Variants in FAAH2 observed in about 807,000 individuals in gnomAD.
The protein encoded by FAAH2 is fatty acid amide hydrolase 2.
In FAAH2, 60 loss-of-function variants were observed where a neutral mutation model predicts 36.9. The ratio of observed to expected loss-of-function variants is 1.63; its 90% CI spans 1.32 to 2.02. The LOEUF (loss-of-function observed/expected upper bound fraction) is 2.02. Among genes scored for constraint, FAAH2 ranks in the 30% most tolerant of loss-of-function variants. The pLI is 0.00. For missense variants in FAAH2, 689 were observed against 397.5 expected, an observed-to-expected ratio of 1.73 and a Z score of -6.23; for synonymous variants, 214 against 143.8, an observed-to-expected ratio of 1.49 and a Z score of -3.49.
intron 10 of FAAH2, among the ~76,000 whole-genome samples, chrX:57,466,636 T>C (rs2057056230): frequency 9.0e-6 from 1 of 110,682 alleles, no homozygotes; most frequent in African/African-American, 3.3e-5. Context: ...GTATGCTATA[T>C]ACAAAGGACA....
rs188749439 is a variant in FAAH2, at chrX:57,363,519, A to G, written c.743-15132A>G. ...GACTATATAATCTGTAAAGAGAAATAAAATGACTTCCTTTCTTTTATTTGG... is the reference window on the plus strand; with the variant it reads ...GACTATATAATCTGTAAAGAGAAATGAAATGACTTCCTTTCTTTTATTTGG... On this transcript the variant is annotated intron_variant, in intron 5 of 10. Coordinates refer to ENST00000374900, the MANE Select transcript of FAAH2 (RefSeq NM_174912.4). Among the ~76,000 whole-genome samples, 5 of 111,600 alleles carry G rather than the reference A, an allele frequency of 4.5e-5. No homozygotes were observed. In the East Asian group the frequency reaches 1.1e-3, roughly 25 times the overall value.
chrX:57,363,808 A>G (rs1190911677), intron 5 of FAAH2, among the ~76,000 whole-genome samples: 1 of 111,251 alleles, frequency 9.0e-6, no homozygotes, highest in Non-Finnish European at 1.9e-5. Context: ...CCTTTTCTGC[A>G]TTCATTGAGA....
At chrX:57,344,043 T>A (rs745322626) in intron 5 of FAAH2, among the ~76,000 whole-genome samples, 1 of 111,120 alleles carries the variant, frequency 9.0e-6, no homozygotes, top group African/African-American at 3.3e-5. Context: ...TTGGGTAAAG[T>A]GATTTATTTG....
At chrX:57,244,466 G>C in the FAAH2 span, among the ~76,000 whole-genome samples, 11 of 111,624 alleles carry the variant, frequency 9.9e-5, no homozygotes, top group African/African-American at 3.6e-4. Flanking sequence ...AGGGTGAAAT[G>C]AAGGAAAAAA....
intron 5 of FAAH2, among the ~76,000 whole-genome samples, chrX:57,374,670 TTCCTCTTTACCGA>T (rs1185202684): frequency 8.9e-6 from 1 of 111,832 alleles, no homozygotes; most frequent in African/African-American, 3.2e-5. Flanking sequence ...ACAATTTGAC[TTCCTCTTTACCGA>T]TTTGGATGCC....
chrX:57,339,608 C>A (rs1308711693), intron 4 of FAAH2, among the ~76,000 whole-genome samples: 1 of 111,832 alleles, frequency 8.9e-6, no homozygotes, highest in African/African-American at 3.3e-5. Context: ...ACCAGAGACT[C>A]CTCAAAAGAA....
At chrX:57,432,983 G>T (rs1287710790) in intron 8 of FAAH2, among the ~76,000 whole-genome samples, 1 of 104,265 alleles carries the variant, frequency 9.6e-6, no homozygotes, top group Non-Finnish European at 2.0e-5. Flanking sequence ...AAAAAAAAAA[G>T]TCACTTTTAA....
intron 10 of FAAH2, among the ~76,000 whole-genome samples, chrX:57,464,077 A>G (rs2057007096): frequency 8.9e-6 from 1 of 112,359 alleles, no homozygotes; most frequent in South Asian, 3.7e-4. Context: ...GCAGCCATAA[A>G]AATGAATTAG....
chrX:57,399,403 T>G (rs1342632201), intron 7 of FAAH2, among the ~76,000 whole-genome samples: 1 of 112,014 alleles, frequency 8.9e-6, no homozygotes, highest in East Asian at 2.8e-4. Context: ...ACAAAAGTAT[T>G]TTCCCTTCTT....
At chrX:57,236,387 G>T in the FAAH2 span, among the ~76,000 whole-genome samples, 1 of 112,237 alleles carries the variant, frequency 8.9e-6, no homozygotes, top group Admixed American at 9.4e-5. Flanking sequence ...TTATGTGGTG[G>T]TTTAATTTAA....
At chrX:57,374,336 T>C (rs959389093) in intron 5 of FAAH2, among the ~76,000 whole-genome samples, 1 of 112,076 alleles carries the variant, frequency 8.9e-6, no homozygotes, top group Non-Finnish European at 1.9e-5. Context: ...ATTCTATCCA[T>C]CTATCAGGAT....
chrX:57,377,882 A>G (rs1459925304), intron 5 of FAAH2, among the ~76,000 whole-genome samples: 1 of 111,707 alleles, frequency 9.0e-6, no homozygotes, highest in Non-Finnish European at 1.9e-5. Context: ...TTGTATTCGT[A>G]GATATTTTAT....
chrX:57,452,170 G>A, intron 10 of FAAH2: 2 of 754,240 alleles, frequency 2.7e-6, no homozygotes, highest in Non-Finnish European at 1.6e-6. Flanking sequence ...TTTATATCCT[G>A]AGATGAACAG....
the FAAH2 span, among the ~76,000 whole-genome samples, chrX:57,230,990 G>A: frequency 9.3e-6 from 1 of 108,056 alleles, no homozygotes; most frequent in Admixed American, 1.0e-4. Flanking sequence ...AATATTATTT[G>A]TAGAAATTTG....
At chrX:57,431,779 G>GTTTTTTTTTTTTTTTTTTTTTTTT (rs368910432) in intron 7 of FAAH2, 139 bp from the exon 8 acceptor site, 2 of 83,520 alleles carry the variant, frequency 2.4e-5, no homozygotes, top group African/African-American at 7.0e-5. Flanking sequence ...TTGTTTTTTT[G>GTTTTTTTTTTTTTTTTTTTTTTTT]TTTTTTTGTT....
the FAAH2 span, among the ~76,000 whole-genome samples, chrX:57,263,475 A>G: frequency 8.9e-6 from 1 of 112,150 alleles, no homozygotes; most frequent in African/African-American, 3.2e-5. Context: ...GATATGCCAC[A>G]TTCACGATTG....
At chrX:57,428,792 A>G (rs746679842) in intron 7 of FAAH2, among the ~76,000 whole-genome samples, 6 of 112,174 alleles carry the variant, frequency 5.3e-5, no homozygotes, top group Admixed American at 4.7e-4. Flanking sequence ...ATACAGGAAG[A>G]AAACAGGGAA....
At chrX:57,160,006 C>A in the FAAH2 span, among the ~76,000 whole-genome samples, 2 of 111,762 alleles carry the variant, frequency 1.8e-5, no homozygotes, top group African/African-American at 3.3e-5. Flanking sequence ...TTTTGAGATA[C>A]GTCCCATCAA....
chrX:57,347,604 G>GTTTTTTTTTTTTTTTTTT (rs61323098), intron 5 of FAAH2, among the ~76,000 whole-genome samples: 3 of 77,890 alleles, frequency 3.9e-5, no homozygotes, highest in African/African-American at 2.0e-4. Context: ...GGGATGCTAA[G>GTTTTTTTTTTTTTTTTTT]TTTTTTTTTT....
Sources: gnomAD v4.1 joint callset for allele counts (sites outside exome capture counted in the v4.1 genomes callset) on GRCh38, gnomAD v4.1.1 for gene constraint, MANE v1.5 for transcripts, NCBI Gene and HGNC (gene_info 2026-07-23, HGNC 2026-07-21) for gene names.